MYH15: variants seen among roughly 807,000 people sequenced by gnomAD.
MYH15 encodes the protein myosin-15.
A neutral mutation model predicts 240.5 loss-of-function variants in MYH15; 227 were observed. That is an observed-to-expected ratio of 0.94 (90% CI 0.85 to 1.05). The LOEUF is 1.05. Ranked by LOEUF, MYH15 falls within the 50% of genes least tolerant of loss-of-function variation. The pLI is 0.00. For synonymous variants in MYH15, 785 were observed against 796.7 expected (o/e 0.99, Z 0.25); for missense variants, 2,217 against 2,247.5 (o/e 0.99, Z 0.27).
At chr3:108,444,942 G>C in intron 21 of MYH15, 47 bp from the exon 22 acceptor site, 1 of 1,537,444 alleles carries the variant, frequency 6.5e-7, no homozygotes, top group Non-Finnish European at 8.7e-7. Flanking sequence ...CTGACTATAG[G>C]AGAATTAGTT....
intron 24 of MYH15, 122 bp from the exon 25 acceptor site, chr3:108,437,821 G>T: frequency 2.0e-6 from 2 of 988,246 alleles, no homozygotes; most frequent in East Asian, 2.6e-5. Context: ...TATAAATGAT[G>T]CCCAGTAACA....
chr3:108,470,308 A>G (rs2107586851), intron 13 of MYH15, 96 bp from the exon 14 acceptor site: 1 of 874,642 alleles, frequency 1.1e-6, no homozygotes, highest in Non-Finnish European at 1.7e-6. Flanking sequence ...AACCATTATT[A>G]TATGATCAGA....
chr3:108,489,657 G>T (rs948115384), intron 9 of MYH15, among the ~76,000 whole-genome samples: 2 of 152,130 alleles, frequency 1.3e-5, no homozygotes, highest in Admixed American at 1.3e-4. Flanking sequence ...TCTCTGCTGT[G>T]ATTTCCATAC....
intron 28 of MYH15, among the ~76,000 whole-genome samples, 153 bp from the exon 29 acceptor site, chr3:108,417,083 A>G (rs1217972473): frequency 6.6e-6 from 1 of 152,138 alleles, no homozygotes; most frequent in East Asian, 1.9e-4. Context: ...ATTCAGCAAA[A>G]CCGTGGCAAT....
chr3:108,388,428 T>TA (rs1391734827), intron 38 of MYH15, among the ~76,000 whole-genome samples: 2 of 152,190 alleles, frequency 1.3e-5, no homozygotes, highest in Non-Finnish European at 2.9e-5. Flanking sequence ...AGACCAATGT[T>TA]AGTCAACAGG....
chr3:108,471,913 A>G (rs1437519927), intron 12 of MYH15, among the ~76,000 whole-genome samples: 1 of 152,202 alleles, frequency 6.6e-6, no homozygotes, highest in East Asian at 1.9e-4. Flanking sequence ...TAGCTGCTAT[A>G]AATTGTGTAA....
chr3:108,503,484 A>C (rs2083453011), intron 2 of MYH15, among the ~76,000 whole-genome samples: 1 of 152,222 alleles, frequency 6.6e-6, no homozygotes, highest in Non-Finnish European at 1.5e-5. Flanking sequence ...AATTTAAAAA[A>C]ATGGGCAAAG....
At chr3:108,382,260 C>G (rs2082349087) in intron 40 of MYH15, among the ~76,000 whole-genome samples, 1 of 152,188 alleles carries the variant, frequency 6.6e-6, no homozygotes, top group African/African-American at 2.4e-5. Context: ...AATTGCCCCT[C>G]TCGCATAGGA....
chr3:108,429,531 TAAC>T (rs1201778485), intron 26 of MYH15, among the ~76,000 whole-genome samples: 1 of 152,064 alleles, frequency 6.6e-6, no homozygotes, highest in Non-Finnish European at 1.5e-5. Flanking sequence ...AAAAAGGTGA[TAAC>T]AACTCTCAGA....
At chr3:108,439,421 G>T (rs2082867446) in intron 24 of MYH15, among the ~76,000 whole-genome samples, 1 of 152,114 alleles carries the variant, frequency 6.6e-6, no homozygotes, top group South Asian at 2.1e-4. Flanking sequence ...CAAAATACCA[G>T]GTTCTGTGGG....
intron 1 of MYH15, among the ~76,000 whole-genome samples, chr3:108,528,382 T>C (rs1483484681): frequency 6.6e-6 from 1 of 152,134 alleles, no homozygotes; most frequent in Non-Finnish European, 1.5e-5. Flanking sequence ...CAGCATAAGG[T>C]ATGATGGATT....
intron 34 of MYH15, 29 bp from the exon 35 acceptor site, chr3:108,398,869 C>T (rs116045645): frequency 0.024 from 38,615 of 1,605,650 alleles, 615 homozygotes; most frequent in Non-Finnish European, 0.03. Flanking sequence ...GTCTGGAGTA[C>T]AGATCCCTCT....
intron 14 of MYH15, among the ~76,000 whole-genome samples, chr3:108,468,004 T>C (rs1314293488): frequency 6.6e-6 from 1 of 151,998 alleles, no homozygotes; most frequent in East Asian, 1.9e-4. Context: ...CTCACTCTGT[T>C]GCCCAGGCTG....
chr3:108,440,985 A>G, intron 23 of MYH15, 33 bp downstream of exon 23: 1 of 1,611,162 alleles, frequency 6.2e-7, no homozygotes, highest in South Asian at 1.1e-5. Flanking sequence ...TCTGGCTGCT[A>G]GGCCTTCTTA....
At position 108,493,176 on chromosome 3, in the gene MYH15, C is replaced by T; in HGVS notation, c.713G>A (p.Gly238Asp). The T allele has an allele frequency of 6.2e-7, 1 of 1,613,896 alleles. No homozygotes were observed. The highest frequency in any genetic ancestry group is 8.5e-7 in the Non-Finnish European group (1 of 1,179,856). Residue 238 changes from glycine (G) to aspartate (D), a missense_variant and splice_region_variant, in exon 8 of 41, where the codon GGC becomes GAC. Transcript: ENST00000693548. ...TLRNDNSSRF[G>D]KFIRMHFGAR... Reference sequence around the variant, plus strand: ...ACCAAAGTGCATCCTGATGAATTTGCCCTAGTGTGGACACAGAACACAGTC... The same window carrying T: ...ACCAAAGTGCATCCTGATGAATTTGTCCTAGTGTGGACACAGAACACAGTC...
At chr3:108,433,978 G>T (rs2082803466) in intron 25 of MYH15, among the ~76,000 whole-genome samples, 1 of 151,946 alleles carries the variant, frequency 6.6e-6, no homozygotes, top group Admixed American at 6.6e-5. Flanking sequence ...ATGTGTACAT[G>T]TAGCTGTAGA....
intron 1 of MYH15, among the ~76,000 whole-genome samples, chr3:108,516,412 G>T (rs957777652): frequency 6.6e-5 from 10 of 152,154 alleles, no homozygotes; most frequent in African/African-American, 2.4e-4. Flanking sequence ...AACAGCTGAA[G>T]GGAAGAATTA....
chr3:108,530,978 C>A (rs1012027909), upstream of MYH15, among the ~76,000 whole-genome samples: 1 of 152,124 alleles, frequency 6.6e-6, no homozygotes, highest in African/African-American at 2.4e-5. Flanking sequence ...TCAAGATGAG[C>A]GCTATCATGG....
At chr3:108,404,106 A>C (rs1191320189) in intron 33 of MYH15, among the ~76,000 whole-genome samples, 1 of 151,966 alleles carries the variant, frequency 6.6e-6, no homozygotes, top group Non-Finnish European at 1.5e-5. Flanking sequence ...TTAGACACTG[A>C]CTCAGAACCT....
Sources: gnomAD v4.1 joint callset for allele counts (sites outside exome capture counted in the v4.1 genomes callset) on GRCh38, gnomAD v4.1.1 for gene constraint, MANE v1.5 for transcripts, NCBI Gene and HGNC (gene_info 2026-07-23, HGNC 2026-07-21) for gene names.